Variants in ADARB2 observed in about 807,000 individuals in gnomAD.
ADARB2 encodes inactive double-stranded RNA-specific editase B2.
Under a neutral mutation model 62.2 loss-of-function variants are expected in ADARB2, and 25 were observed. The ratio of observed to expected loss-of-function variants is 0.40; its 90% CI spans 0.29 to 0.56. ADARB2 has a LOEUF of 0.56. Ranked by LOEUF, ADARB2 falls within the 20% of genes least tolerant of loss-of-function variation. The pLI is 0.43. For synonymous variants in ADARB2, 572 were observed against 500.8 expected (o/e 1.14, Z -1.90); for missense variants, 1,071 against 1,077.4 (o/e 0.99, Z 0.08).
intron 1 of ADARB2, among the ~76,000 whole-genome samples, chr10:1,729,930 A>C (rs963605328): frequency 1.3e-5 from 2 of 152,256 alleles, no homozygotes; most frequent in African/African-American, 4.8e-5. Flanking sequence ...GGAAACAAGA[A>C]TCAAAGACTT....
intron 3 of ADARB2, among the ~76,000 whole-genome samples, chr10:1,314,443 T>TTCCTCC (rs147004052): frequency 0.07 from 10,554 of 150,580 alleles, 498 homozygotes; most frequent in African/African-American, 0.13. Context: ...CAGCCAGTCC[T>TTCCTCC]TCCTCCTCCT....
chr10:1,264,601 T>C (rs1208911946), intron 4 of ADARB2, among the ~76,000 whole-genome samples: 1 of 152,244 alleles, frequency 6.6e-6, no homozygotes, highest in Non-Finnish European at 1.5e-5. Flanking sequence ...TTCTTTACCT[T>C]ATGTGCTCAT....
chr10:1,361,330 A>G (rs1832252883), intron 3 of ADARB2: 1 of 152,220 alleles, frequency 6.6e-6, no homozygotes, highest in South Asian at 2.1e-4. Flanking sequence ...GTAAGAAAAG[A>G]CCAAGCCAGG....
At chr10:1,194,506 T>C (rs1836882065) in intron 8 of ADARB2, among the ~76,000 whole-genome samples, 1 of 134,056 alleles carries the variant, frequency 7.5e-6, no homozygotes, top group South Asian at 2.9e-4. Context: ...ATCTATCATC[T>C]ATCTATTATC....
rs541920621 is a variant in ADARB2 at position 1,610,832 on chromosome 10, GCACA to G, written c.100+126215_100+126218del. ...TACAGACACATACAGACACAGACAT[GCACA>G]CACAAAGACTCGCAGACACACCCAT... On this transcript the variant is annotated intron_variant, in intron 1 of 9. Coordinates refer to ENST00000381312, the MANE Select transcript of ADARB2 (RefSeq NM_018702.4). Among the ~76,000 whole-genome samples, 1,122 of 151,816 alleles carry G rather than the reference GCACA, an allele frequency of 7.4e-3. 6 individuals are homozygous for G. The highest frequency in any genetic ancestry group is 0.017 in the Middle Eastern group (5 of 292).
At chr10:1,385,206 G>T (rs568821439) in intron 1 of ADARB2, among the ~76,000 whole-genome samples, 6 of 152,110 alleles carry the variant, frequency 3.9e-5, no homozygotes, top group Admixed American at 3.3e-4. Context: ...GAACAACATG[G>T]TATCCACAAA....
chr10:1,698,102 C>T (rs1358081438), intron 1 of ADARB2, among the ~76,000 whole-genome samples: 1 of 152,264 alleles, frequency 6.6e-6, no homozygotes, highest in Non-Finnish European at 1.5e-5. Flanking sequence ...ACTGCCCTCT[C>T]TGGCTTCCCT....
chr10:1,270,619 A>G (rs973308173), intron 4 of ADARB2, among the ~76,000 whole-genome samples: 7 of 152,238 alleles, frequency 4.6e-5, no homozygotes, highest in African/African-American at 1.7e-4. Context: ...ATCTTGGCAG[A>G]AAGGAGAGCG....
At chr10:1,649,625 T>C (rs1834086233) in intron 1 of ADARB2, among the ~76,000 whole-genome samples, 1 of 152,252 alleles carries the variant, frequency 6.6e-6, no homozygotes, top group African/African-American at 2.4e-5. Flanking sequence ...AATGACCCTA[T>C]AACCTGGGCC....
chr10:1,658,921 T>C (rs934506893), intron 1 of ADARB2, among the ~76,000 whole-genome samples: 1 of 152,180 alleles, frequency 6.6e-6, no homozygotes, highest in Non-Finnish European at 1.5e-5. Context: ...GCCAGCCAAG[T>C]GGGGAGAAAG....
At chr10:1,480,939 C>T (rs529426746) in intron 1 of ADARB2, among the ~76,000 whole-genome samples, 1 of 152,092 alleles carries the variant, frequency 6.6e-6, no homozygotes, top group African/African-American at 2.4e-5. Flanking sequence ...ATCCCAAGGA[C>T]TTTTTTTCAG....
chr10:1,286,631 C>T (rs1424559952), intron 3 of ADARB2, among the ~76,000 whole-genome samples: 2 of 152,314 alleles, frequency 1.3e-5, no homozygotes, highest in Admixed American at 1.3e-4. Context: ...CCACCACCTT[C>T]CCCCAGCTGC....
chr10:1,197,041 G>A (rs571311103), intron 8 of ADARB2, among the ~76,000 whole-genome samples: 135 of 152,338 alleles, frequency 8.9e-4, no homozygotes, highest in South Asian at 3.7e-3. Flanking sequence ...TAATGCTTAT[G>A]TGTTTATTAC....
chr10:1,395,010 C>T, intron 1 of ADARB2: 1 of 454,050 alleles, frequency 2.2e-6, no homozygotes, highest in South Asian at 1.6e-5. Flanking sequence ...GCCTCGAACT[C>T]CTGGGCTCAG....
chr10:1,266,620 C>T (rs1831206721), intron 4 of ADARB2, among the ~76,000 whole-genome samples: 4 of 152,080 alleles, frequency 2.6e-5, no homozygotes, highest in African/African-American at 9.7e-5. Flanking sequence ...ACCAGCCGGC[C>T]ACCACCGCAG....
intron 1 of ADARB2, among the ~76,000 whole-genome samples, chr10:1,732,761 C>T (rs1034435291): frequency 6.6e-6 from 1 of 152,340 alleles, no homozygotes; most frequent in African/African-American, 2.4e-5. Context: ...GCGGAGCCCA[C>T]GGCCGCTCTG....
intron 3 of ADARB2, among the ~76,000 whole-genome samples, chr10:1,283,872 G>T (rs909024419): frequency 1.3e-5 from 2 of 152,220 alleles, no homozygotes; most frequent in African/African-American, 4.8e-5. Flanking sequence ...AGCCCAGAAA[G>T]AATCTAAATT....
chr10:1,431,621 T>G (rs1395387776), intron 1 of ADARB2, among the ~76,000 whole-genome samples: 1 of 151,768 alleles, frequency 6.6e-6, no homozygotes, highest in African/African-American at 2.4e-5. Flanking sequence ...AGAGAAGAAA[T>G]CAATCAAATT....
chr10:1,723,786 C>T (rs1025011300), intron 1 of ADARB2, among the ~76,000 whole-genome samples: 6 of 152,098 alleles, frequency 3.9e-5, no homozygotes, highest in African/African-American at 7.2e-5. Flanking sequence ...GAGGGCACCA[C>T]GTGGCAAAGA....
Sources: gnomAD v4.1 joint callset for allele counts (sites outside exome capture counted in the v4.1 genomes callset) on GRCh38, gnomAD v4.1.1 for gene constraint, MANE v1.5 for transcripts, NCBI Gene and HGNC (gene_info 2026-07-23, HGNC 2026-07-21) for gene names.